RNFT2: variants seen among roughly 807,000 people sequenced by gnomAD.
The protein encoded by RNFT2 is ring finger protein, transmembrane 2, also known as E3 ubiquitin-protein ligase RNFT2.
In RNFT2, 36 loss-of-function variants were observed where a neutral mutation model predicts 53.0. The ratio of observed to expected loss-of-function variants is 0.68; its 90% CI spans 0.52 to 0.90. The LOEUF is 0.90. RNFT2 is among the 40% of genes least tolerant of loss of function. RNFT2 has a pLI of 0.00. For missense variants in RNFT2, 514 were observed against 585.6 expected (o/e 0.88, Z 1.26); for synonymous variants, 260 against 253.2 (o/e 1.03, Z -0.26).
intron 7 of RNFT2, among the ~76,000 whole-genome samples, chr12:116,789,697 G>T (rs1874133483): frequency 2.0e-5 from 3 of 147,648 alleles, no homozygotes; most frequent in African/African-American, 5.0e-5. Flanking sequence ...GGGATGGATG[G>T]GTGGATGGAT....
chr12:116,819,674 T>C (rs1356980864), intron 7 of RNFT2, among the ~76,000 whole-genome samples: 2 of 152,192 alleles, frequency 1.3e-5, no homozygotes, highest in Non-Finnish European at 2.9e-5. Flanking sequence ...CCCGCCCCGC[T>C]GGCCCCGCCT....
chr12:116,764,023 A>G (rs371456627), intron 5 of RNFT2, among the ~76,000 whole-genome samples: 1 of 152,202 alleles, frequency 6.6e-6, no homozygotes, highest in Non-Finnish European at 1.5e-5. Flanking sequence ...CTCAGCCATA[A>G]AAAGGAATGA....
intron 3 of RNFT2, among the ~76,000 whole-genome samples, chr12:116,742,054 T>C (rs1871632956): frequency 6.6e-6 from 1 of 152,118 alleles, no homozygotes. Flanking sequence ...TTTTATTTCT[T>C]CCATTTCTCA....
At chr12:116,800,817 A>ATAAAATAAAAT (rs1188017948) in intron 7 of RNFT2, among the ~76,000 whole-genome samples, 3 of 109,594 alleles carry the variant, frequency 2.7e-5, no homozygotes, top group Non-Finnish European at 5.5e-5. Flanking sequence ...CCATCTTAAA[A>ATAAAATAAAAT]TAAAATAAAA....
intron 7 of RNFT2, among the ~76,000 whole-genome samples, chr12:116,785,950 G>A (rs181430991): frequency 2.0e-5 from 3 of 152,162 alleles, no homozygotes; most frequent in African/African-American, 7.2e-5. Flanking sequence ...TACTCAGGAG[G>A]TTGAGGTGGG....
intron 7 of RNFT2, among the ~76,000 whole-genome samples, chr12:116,812,504 C>G (rs1054082179): frequency 1.3e-5 from 2 of 151,764 alleles, no homozygotes; most frequent in African/African-American, 2.4e-5. Flanking sequence ...ATCTCTGCAG[C>G]CAGCCTTCTG....
intron 7 of RNFT2, among the ~76,000 whole-genome samples, chr12:116,817,912 C>T (rs1875772285): frequency 6.6e-6 from 1 of 152,190 alleles, no homozygotes; most frequent in East Asian, 1.9e-4. Flanking sequence ...AGAGTCCCTG[C>T]TCTCATTTCA....
chr12:116,826,113 C>T (rs1466388797), intron 7 of RNFT2, among the ~76,000 whole-genome samples: 1 of 152,076 alleles, frequency 6.6e-6, no homozygotes, highest in Non-Finnish European at 1.5e-5. Context: ...CATGTAGGTG[C>T]GTTCTTCCAA....
chr12:116,763,794 C>A lies in RNFT2; in HGVS notation c.628-3020C>A, dbSNP rs189377766. 8.8e-3 allele frequency among the ~76,000 whole-genome samples: 1,199 copies of A among 135,814 alleles called. 54 individuals carry two copies. The East Asian group carries it at 0.11, about 12-fold the overall frequency. 89.1% of individuals were successfully genotyped at this position (135,814 alleles called of 152,430 possible). On this transcript the variant is annotated intron_variant, in intron 5 of 10. Coordinates refer to ENST00000257575, the MANE Select transcript of RNFT2 (RefSeq NM_001382266.1). ...ACTCCATCTCAAAAAAAAAAGGGGG[C>A]GGGGGGGGAAAGAACTAAAAGTAGA...
chr12:116,754,464 T>C (rs1872406590), intron 5 of RNFT2, among the ~76,000 whole-genome samples: 1 of 152,208 alleles, frequency 6.6e-6, no homozygotes, highest in African/African-American at 2.4e-5. Flanking sequence ...CAAGTATCTT[T>C]TTTGAATAAT....
chr12:116,812,637 C>A lies in RNFT2; in HGVS notation c.883-21155C>A, dbSNP rs945841259. On this transcript the variant is annotated intron_variant, in intron 7 of 10. Coordinates refer to ENST00000257575, the MANE Select transcript of RNFT2 (RefSeq NM_001382266.1). ...GCAACCTCCACCTCCTGGGTTTAAA[C>A]GGTTCTCCTGCCTCAGCCTCCTGAG... 2.6e-5 allele frequency among the ~76,000 whole-genome samples: 4 copies of A among 151,528 alleles called. No homozygotes were observed. In the East Asian group the frequency reaches 7.8e-4, roughly 30 times the overall value.
At chr12:116,783,780 A>G (rs1421844751) in intron 7 of RNFT2, among the ~76,000 whole-genome samples, 1 of 152,248 alleles carries the variant, frequency 6.6e-6, no homozygotes, top group African/African-American at 2.4e-5. Context: ...AGACAGGCGG[A>G]GCCCACAGAG....
chr12:116,779,526 A>T (rs1873595325), intron 7 of RNFT2, among the ~76,000 whole-genome samples, 178 bp downstream of exon 7: 1 of 152,176 alleles, frequency 6.6e-6, no homozygotes. Context: ...AAAGCTGAGC[A>T]TGGCTCTTTG....
chr12:116,805,710 C>T (rs1875014147), intron 7 of RNFT2, among the ~76,000 whole-genome samples: 1 of 152,148 alleles, frequency 6.6e-6, no homozygotes, highest in African/African-American at 2.4e-5. Flanking sequence ...CTGGCCTCAA[C>T]TGATCTGCCT....
At chr12:116,831,256 T>A (rs1480500320) in intron 7 of RNFT2, among the ~76,000 whole-genome samples, 1 of 152,134 alleles carries the variant, frequency 6.6e-6, no homozygotes, top group Non-Finnish European at 1.5e-5. Flanking sequence ...TGTCTCTTGT[T>A]TTCTCATGAT....
intron 3 of RNFT2, among the ~76,000 whole-genome samples, chr12:116,742,562 C>T (rs1871663943): frequency 6.6e-6 from 1 of 152,150 alleles, no homozygotes; most frequent in Admixed American, 6.6e-5. Flanking sequence ...GCGCAAGCCA[C>T]CACGCCTGGC....
intron 10 of RNFT2, among the ~76,000 whole-genome samples, chr12:116,839,774 A>AAGGGAGGG (rs368090730): frequency 5.3e-4 from 51 of 96,948 alleles, no homozygotes; most frequent in African/African-American, 1.9e-3. Flanking sequence ...GGAAGGAAGG[A>AAGGGAGGG]AGGGAGGGAG....
chr12:116,782,760 A>T (rs779904694), intron 7 of RNFT2, among the ~76,000 whole-genome samples: 1 of 152,038 alleles, frequency 6.6e-6, no homozygotes, highest in Non-Finnish European at 1.5e-5. Context: ...TCACATGCCG[A>T]AAATAAGTCT....
intron 7 of RNFT2, among the ~76,000 whole-genome samples, chr12:116,828,076 T>C (rs1876438371): frequency 6.6e-6 from 1 of 152,154 alleles, no homozygotes; most frequent in Admixed American, 6.5e-5. Context: ...TGTCCTTACC[T>C]GTCATGAGAC....
Sources: gnomAD v4.1 joint callset for allele counts (sites outside exome capture counted in the v4.1 genomes callset) on GRCh38, gnomAD v4.1.1 for gene constraint, MANE v1.5 for transcripts, NCBI Gene and HGNC (gene_info 2026-07-23, HGNC 2026-07-21) for gene names.